Variants in SPRR2G observed in about 807,000 individuals in gnomAD.
The protein encoded by SPRR2G is small proline rich protein 2G.
Under a neutral mutation model 0.7 loss-of-function variants are expected in SPRR2G, and 1 was observed. The observed-to-expected ratio is 1.49, with a 90% CI of 0.53 to 7.06. SPRR2G has a LOEUF of 7.06. Among genes scored for constraint, SPRR2G ranks in the 30% most tolerant of loss-of-function variants. The pLI, the probability that SPRR2G is intolerant of heterozygous loss-of-function variation, is 0.14. For missense variants in SPRR2G, 96 were observed against 88.5 expected (o/e 1.09, Z -0.34); for synonymous variants, 38 against 33.9 (o/e 1.12, Z -0.42).
At chr1:153,188,932 G>A in the SPRR2G span, among the ~76,000 whole-genome samples, 7 of 152,078 alleles carry the variant, frequency 4.6e-5, no homozygotes, top group South Asian at 6.2e-4. Context: ...TGCACTTCCC[G>A]GGTGAGGCAA....
chr1:153,160,856 G>T, the SPRR2G span, among the ~76,000 whole-genome samples: 1 of 151,084 alleles, frequency 6.6e-6, no homozygotes, highest in East Asian at 1.9e-4. Flanking sequence ...GTCCAACAAT[G>T]ATAGACTGGA....
chr1:153,149,890 T>C lies in SPRR2G; in HGVS notation c.221A>G (p.Ter74=), dbSNP rs777789217. ...TGGTCCTGATGAATTCTAGTGATGT[T>C]ACTTGCTCTTGGGTGGATACTTCTG... The part of the protein sequence containing the change: ...CQQKYPPKSK[*] Residue 74 remains the stop codon, a stop_retained_variant, in exon 2 of 2, where the codon TAA becomes TGA. Transcript: ENST00000368748. 22 of 1,613,998 alleles carry C rather than the reference T, an allele frequency of 1.4e-5. No homozygotes were observed. Among genetic ancestry groups the C allele is most frequent in the Non-Finnish European group, 1.9e-5 (22 of 1,180,038 alleles).
At chr1:153,157,433 C>G in the SPRR2G span, among the ~76,000 whole-genome samples, 1 of 152,120 alleles carries the variant, frequency 6.6e-6, no homozygotes, top group African/African-American at 2.4e-5. Context: ...ATTTTTGAAG[C>G]TAGGTGATGG....
chr1:153,184,906 T>C, the SPRR2G span, among the ~76,000 whole-genome samples: 541 of 152,358 alleles, frequency 3.6e-3, 5 homozygotes, highest in African/African-American at 0.012. Flanking sequence ...TGAGTGTTTT[T>C]ATCGTGAAGG....
chr1:153,150,275 T>A, intron 1 of SPRR2G, 144 bp from the exon 2 acceptor site: 1 of 1,244,258 alleles, frequency 8.0e-7, no homozygotes, highest in Non-Finnish European at 1.1e-6. Flanking sequence ...TTCTTCACAC[T>A]TCACTTTTAG....
the SPRR2G span, among the ~76,000 whole-genome samples, chr1:153,167,672 C>T: frequency 3.3e-5 from 5 of 152,186 alleles, no homozygotes; most frequent in African/African-American, 1.2e-4. Context: ...TGGAGGATAA[C>T]TCAGAAAACA....
the SPRR2G span, among the ~76,000 whole-genome samples, chr1:153,164,844 A>T: frequency 0.022 from 3,358 of 152,298 alleles, 111 homozygotes; most frequent in East Asian, 0.11. Context: ...ACATGGAGTA[A>T]CAGCTGTATG....
In SPRR2G at chr1:153,150,085, T is replaced by C; in HGVS notation, c.26A>G (p.Lys9Arg). Reference sequence around the variant, plus strand: ...CACAGGAGGTGGCTGGCAGGGCTGCTTGCACTGCTGCTGCTGGTAAGACAT... The same window carrying C: ...CACAGGAGGTGGCTGGCAGGGCTGCCTGCACTGCTGCTGCTGGTAAGACAT... MSYQQQQC[K>R]QPCQPPPVCP... The change falls in exon 2 of 2, where the codon AAG becomes AGG. Residue 9 changes from lysine (K) to arginine (R), a missense_variant. Coordinates refer to ENST00000368748, the MANE Select transcript of SPRR2G (RefSeq NM_001014291.4). 6.2e-7 allele frequency: 1 copy of C among 1,612,702 alleles called. No individual in the cohort carries two copies. Among genetic ancestry groups the C allele is most frequent in the South Asian group, 1.1e-5 (1 of 91,006 alleles).
chr1:153,167,523 G>A, the SPRR2G span, among the ~76,000 whole-genome samples: 1 of 152,146 alleles, frequency 6.6e-6, no homozygotes, highest in Admixed American at 6.5e-5. Context: ...ACTAGGTAGG[G>A]TAAATTTGGC....
chr1:153,180,158 A>G, the SPRR2G span, among the ~76,000 whole-genome samples: 1 of 152,198 alleles, frequency 6.6e-6, no homozygotes, highest in South Asian at 2.1e-4. Context: ...AACTTAATAA[A>G]GCTTCATAAG....
the SPRR2G span, among the ~76,000 whole-genome samples, chr1:153,167,803 G>C: frequency 6.6e-6 from 1 of 152,060 alleles, no homozygotes; most frequent in African/African-American, 2.4e-5. Context: ...TTGTCATTTG[G>C]ACCAAAAGTC....
chr1:153,152,917 G>T (rs754338830), upstream of SPRR2G, among the ~76,000 whole-genome samples: 6 of 152,062 alleles, frequency 3.9e-5, no homozygotes, highest in Non-Finnish European at 8.8e-5. Flanking sequence ...AGGAGGATTG[G>T]GCTTTTCAGA....
At chr1:153,158,732 G>A in the SPRR2G span, among the ~76,000 whole-genome samples, 4 of 152,338 alleles carry the variant, frequency 2.6e-5, no homozygotes, top group African/African-American at 9.6e-5. Context: ...CATCCCTGCA[G>A]CAGACTTCTG....
At chr1:153,181,668 C>CATTGTCTT in the SPRR2G span, among the ~76,000 whole-genome samples, 8,466 of 151,960 alleles carry the variant, frequency 0.056, 814 homozygotes, top group African/African-American at 0.19. Context: ...AACAGGTGAT[C>CATTGTCTT]ATTGTCTTTC....
chr1:153,177,787 T>C, the SPRR2G span, among the ~76,000 whole-genome samples: 1 of 152,132 alleles, frequency 6.6e-6, no homozygotes. Context: ...CCTACAACTT[T>C]GTTATTTTCC....
At chr1:153,187,685 T>C in the SPRR2G span, among the ~76,000 whole-genome samples, 14 of 152,150 alleles carry the variant, frequency 9.2e-5, no homozygotes, top group African/African-American at 3.4e-4. Flanking sequence ...TTACCAACCT[T>C]CTGAAGCCTA....
chr1:153,171,392 T>G, the SPRR2G span, among the ~76,000 whole-genome samples: 12 of 152,252 alleles, frequency 7.9e-5, 1 homozygote, highest in African/African-American at 2.6e-4. Context: ...ACAGGAGCCT[T>G]TACACCCACT....
chr1:153,164,892 G>A, the SPRR2G span, among the ~76,000 whole-genome samples: 2 of 152,248 alleles, frequency 1.3e-5, no homozygotes, highest in Admixed American at 6.5e-5. Context: ...GCTAGAGATG[G>A]AAACTAGCAG....
chr1:153,162,694 G>A, the SPRR2G span, among the ~76,000 whole-genome samples: 6 of 152,090 alleles, frequency 3.9e-5, no homozygotes, highest in Non-Finnish European at 7.3e-5. Flanking sequence ...CAAACTCCAT[G>A]GCCTGACCAC....
Sources: gnomAD v4.1 joint callset for allele counts (sites outside exome capture counted in the v4.1 genomes callset) on GRCh38, gnomAD v4.1.1 for gene constraint, MANE v1.5 for transcripts, NCBI Gene and HGNC (gene_info 2026-07-23, HGNC 2026-07-21) for gene names.